SLC35C1: variants seen among roughly 807,000 people sequenced by gnomAD.
SLC35C1 encodes the protein solute carrier family 35 member C1.
Under a neutral mutation model 23.2 loss-of-function variants are expected in SLC35C1, and 8 were observed. The observed-to-expected ratio is 0.35, with a 90% confidence interval of 0.20 to 0.62. SLC35C1 has a LOEUF of 0.62. SLC35C1 is among the 20% of genes least tolerant of loss of function. The pLI, the probability that SLC35C1 is intolerant of heterozygous loss-of-function variation, is 0.75. For synonymous variants in SLC35C1, 226 were observed against 225.1 expected (o/e 1.00, Z -0.04); for missense variants, 422 against 478.6 (o/e 0.88, Z 1.10).
At chr11:45,807,850 C>T (rs1252569642) in intron 1 of SLC35C1, among the ~76,000 whole-genome samples, 1 of 152,186 alleles carries the variant, frequency 6.6e-6, no homozygotes, top group Non-Finnish European at 1.5e-5. Flanking sequence ...CCTCCCTGTC[C>T]TCCTCAGATG....
Position 45,812,875 on chromosome 11 carries a change from A to C in SLC35C1, c.*1540A>C. 2.9e-6 allele frequency: 1 copy of C among 341,498 alleles called. No individual in the cohort carries two copies. The highest frequency in any genetic ancestry group is 5.8e-6 in the Non-Finnish European group (1 of 171,934). The allele number at this position is 341,498 out of a possible 1,614,324, so 21.2% of individuals were successfully genotyped here. On this transcript the variant is annotated 3_prime_UTR_variant, in exon 2 of 2. Transcript: ENST00000314134. ...TCTTGGGGTGATTTCTGATGTTTTTACTCTATATAGTGAAAAGCTAGGGAG... is the reference window on the plus strand; with the variant it reads ...TCTTGGGGTGATTTCTGATGTTTTTCCTCTATATAGTGAAAAGCTAGGGAG...
rs1472517586 is a variant in SLC35C1, at chr11:45,806,141, GC to G, written c.343del (p.Arg115AlafsTer13). ...CAGCTTGCGCCTGGACCTCAGGGTG[GC>G]CCGCAGCGTCCTGCCCCTGTCGGTG... The part of the protein sequence containing the change: ...FPSLRLDLRV[A>X]RSVLPLSVVF... On this transcript the variant is annotated frameshift_variant, in exon 1 of 2. Transcript: ENST00000314134. LOFTEE classifies it high-confidence loss of function. The G allele has an allele frequency of 6.2e-7, 1 of 1,607,182 alleles. No individual in the cohort carries two copies. Among genetic ancestry groups the G allele is most frequent in the Non-Finnish European group, 8.5e-7 (1 of 1,179,952 alleles).
At chr11:45,804,801 A>C (rs981144321), upstream of SLC35C1, 3 of 985,560 alleles carry the variant, frequency 3.0e-6, no homozygotes, top group Admixed American at 6.1e-5. Context: ...AGGCTGATGT[A>C]GCGCCGCCCG....
At position 45,805,995 on chromosome 11, in the gene SLC35C1, G is replaced by C; in HGVS notation, c.194G>C (p.Ser65Thr). ...TTCCTTAATAAGTACCTGCTGGACA[G>C]CCCCTCCCTGCGGCTGGACACCCCC... ...MVFLNKYLLD[S>T]PSLRLDTPIF... Residue 65 changes from serine (S) to threonine (T), a missense_variant, in exon 1 of 2, where the codon AGC becomes ACC. Coordinates refer to ENST00000314134, the MANE Select transcript of SLC35C1 (RefSeq NM_018389.5). 1 of 1,614,078 alleles carries C rather than the reference G, an allele frequency of 6.2e-7. No individual in the cohort carries two copies. Among genetic ancestry groups the C allele is most frequent in the South Asian group, 1.1e-5 (1 of 91,086 alleles).
rs1265362913 is a variant in SLC35C1 at position 45,811,082 on chromosome 11, G to A, written c.842G>A (p.Gly281Asp). Residue 281 changes from glycine (G) to aspartate (D), a missense_variant, in exon 2 of 2, where the codon GGC (glycine) becomes GAC (aspartate). By Grantham distance (94) the Gly-to-Asp change is moderately conservative. Transcript: ENST00000314134. The stretch of plus-strand genomic sequence containing the variant: ...GGCGGCCTGTTTGGCTTTGCCATCG[G>A]CTACGTGACAGGACTGCAGATCAAG... ...TLGGLFGFAI[G>D]YVTGLQIKFT... The A allele has an allele frequency of 6.2e-7, 1 of 1,613,184 alleles. No homozygotes were observed. Among genetic ancestry groups the A allele is most frequent in the Non-Finnish European group, 8.5e-7 (1 of 1,180,036 alleles).
chr11:45,811,173 C>G lies in SLC35C1; in HGVS notation c.933C>G (p.Ala311=), dbSNP rs1025394775. Residue 311 remains alanine, a synonymous_variant, in exon 2 of 2, where the codon GCC becomes GCG. Coordinates refer to ENST00000314134, the MANE Select transcript of SLC35C1 (RefSeq NM_018389.5). ...TAKACAQTVL[A]VLYYEETKSF... is the part of the protein sequence containing the mutation. ...AGGCCTGTGCCCAGACAGTGCTGGCCGTGCTCTACTACGAGGAGACCAAGA... is the reference window on the plus strand; with the variant it reads ...AGGCCTGTGCCCAGACAGTGCTGGCGGTGCTCTACTACGAGGAGACCAAGA... 1.2e-6 allele frequency: 2 copies of G among 1,612,032 alleles called. No individual in the cohort carries two copies. The highest frequency in any genetic ancestry group is 3.3e-4 in the Middle Eastern group (2 of 6,062).
chr11:45,806,336 G>T lies in SLC35C1; in HGVS notation c.535G>T (p.Gly179Trp). The change falls in exon 1 of 2, where the codon GGG (glycine) becomes TGG (tryptophan). Residue 179 changes from glycine to tryptophan, a missense_variant and splice_region_variant. Transcript: ENST00000314134. ...CCTGCTCACCTGCGGTATCATCATC[G>T]GTGAGTGGCAGCTGGGGCCACGGGG... ...YALLTCGIII[G>W]GFWLGVDQEG... 1 of 1,612,348 alleles carries T rather than the reference G, an allele frequency of 6.2e-7. No individual in the cohort carries two copies. Among genetic ancestry groups the T allele is most frequent in the Non-Finnish European group, 8.5e-7 (1 of 1,179,964 alleles).
At position 45,812,752 on chromosome 11, in the gene SLC35C1, A is replaced by G. The variant is rs2085964615; in HGVS notation, c.*1417A>G. On this transcript the variant is annotated 3_prime_UTR_variant, in exon 2 of 2. Transcript: ENST00000314134. ...TTTGCAGGGGGAGTGGGGGACACAC[A>G]CAAATTTCGGGGCCATACCACCCTT... 1 of 438,320 alleles carries G rather than the reference A, an allele frequency of 2.3e-6. No homozygotes were observed. Among genetic ancestry groups the G allele is most frequent in the East Asian group, 7.1e-5 (1 of 14,154 alleles). The allele number at this position is 438,320 out of a possible 1,614,324, so 27.2% of individuals were successfully genotyped here. A position where few individuals can be genotyped will look rare whatever the true frequency, so the allele number is the denominator to read the frequency against.
chr11:45,807,217 C>T (rs2085886996), intron 1 of SLC35C1, among the ~76,000 whole-genome samples: 1 of 152,218 alleles, frequency 6.6e-6, no homozygotes, highest in South Asian at 2.1e-4. Context: ...TGCTTCTATC[C>T]CCTCTGCTCG....
rs866682376 is a variant in SLC35C1, at chr11:45,812,032, G to C, written c.*697G>C. The C allele has an allele frequency of 6.2e-6, 1 of 161,474 alleles. No homozygotes were observed. Among genetic ancestry groups the C allele is most frequent in the African/African-American group, 2.4e-5 (1 of 41,646 alleles). The allele number at this position is 161,474 out of a possible 1,614,324, so 10.0% of individuals were successfully genotyped here. On this transcript the variant is annotated 3_prime_UTR_variant, in exon 2 of 2. Coordinates refer to ENST00000314134, the MANE Select transcript of SLC35C1 (RefSeq NM_018389.5). ...CCATGCTTCTCTTAGAGGTTAAGCA[G>C]GGTCATTAACATCCTCCCCCAGTCC...
At chr11:45,808,235 C>T (rs969081699) in intron 1 of SLC35C1, among the ~76,000 whole-genome samples, 3 of 152,212 alleles carry the variant, frequency 2.0e-5, no homozygotes, top group Non-Finnish European at 4.4e-5. Context: ...CACAGTGGCT[C>T]ATGCCTGTAA....
In SLC35C1 at chr11:45,805,677, T is replaced by C; in HGVS notation, c.-125T>C. On this transcript the variant is annotated 5_prime_UTR_variant, in exon 1 of 2. Coordinates refer to ENST00000314134, the MANE Select transcript of SLC35C1 (RefSeq NM_018389.5). Reference sequence around the variant, plus strand: ...TCCATGAGGACAATGGGGAGGCCTTTAGGCCAGCCCACATGTGACAATGGA... The same window carrying C: ...TCCATGAGGACAATGGGGAGGCCTTCAGGCCAGCCCACATGTGACAATGGA... 3 of 1,569,106 alleles carry C rather than the reference T, an allele frequency of 1.9e-6. No homozygotes were observed. Among genetic ancestry groups the C allele is most frequent in the Non-Finnish European group, 2.6e-6 (3 of 1,164,492 alleles).
chr11:45,810,666 G>C, intron 1 of SLC35C1, 110 bp from the exon 2 acceptor site: 1 of 1,470,034 alleles, frequency 6.8e-7, no homozygotes, highest in Non-Finnish European at 9.0e-7. Context: ...GGAACGGGGA[G>C]GGCCGCAATA....
At position 45,806,096 on chromosome 11, in the gene SLC35C1, C is replaced by CCT; in HGVS notation, c.296_297dup (p.Gly100LeufsTer29). ...CCTCAGCGCTCTGGCCGCCTGCTGC[C>CCT]CTGGTGCCGTGGACTTCCCCAGCTT... On this transcript the variant is annotated frameshift_variant, in exon 1 of 2. Coordinates refer to ENST00000314134, the MANE Select transcript of SLC35C1 (RefSeq NM_018389.5). LOFTEE classifies it high-confidence loss of function. 1 of 1,611,154 alleles carries CCT rather than the reference C, an allele frequency of 6.2e-7. No homozygotes were observed. Among genetic ancestry groups the CCT allele is most frequent in the Non-Finnish European group, 8.5e-7 (1 of 1,180,004 alleles).
chr11:45,810,121 C>G (rs932397402), intron 1 of SLC35C1: 8 of 985,268 alleles, frequency 8.1e-6, no homozygotes, highest in Non-Finnish European at 9.6e-6. Context: ...CCTGCACCCC[C>G]GCCTGCCACG....
Position 45,810,978 on chromosome 11 carries a change from C to T in SLC35C1, c.738C>T (p.Leu246=), listed in dbSNP as rs369955835. The T allele has an allele frequency of 6.2e-6, 10 of 1,612,808 alleles. No individual in the cohort carries two copies. The African/African-American group carries it at 6.7e-5, about 11-fold the overall frequency. Residue 246 remains leucine, a synonymous_variant, in exon 2 of 2, where the codon CTC becomes CTT. Transcript: ENST00000314134. The part of the protein sequence containing the change: ...VNACILFLPL[L]LLLGELQALR... ...CCTGCATCCTCTTCCTGCCCCTGCTCCTGCTGCTCGGGGAGCTTCAGGCCC... is the reference window on the plus strand; with the variant it reads ...CCTGCATCCTCTTCCTGCCCCTGCTTCTGCTGCTCGGGGAGCTTCAGGCCC...
chr11:45,812,355 T>G lies in SLC35C1; in HGVS notation c.*1020T>G. 2.8e-6 allele frequency: 1 copy of G among 360,062 alleles called. No individual in the cohort carries two copies. Among genetic ancestry groups the G allele is most frequent in the South Asian group, 2.1e-5 (1 of 48,236 alleles). The allele number at this position is 360,062 out of a possible 1,614,324, so 22.3% of individuals were successfully genotyped here. A position where few individuals can be genotyped will look rare whatever the true frequency, so the allele number is the denominator to read the frequency against. On this transcript the variant is annotated 3_prime_UTR_variant, in exon 2 of 2. Transcript: ENST00000314134. ...TGATGGTAAGACACCAACCTTTACA[T>G]TCTTCCCTGAGGTTGTGGCTGACAG...
At chr11:45,806,780 C>A in intron 1 of SLC35C1, 1 of 463,472 alleles carries the variant, frequency 2.2e-6, no homozygotes, top group Non-Finnish European at 2.8e-6. Context: ...AATCTGGCTT[C>A]ACAGTTCACA....
Position 45,810,256 on chromosome 11 carries a change from C to T in SLC35C1, c.536-520C>T, listed in dbSNP as rs906624035. On this transcript the variant is annotated intron_variant, in intron 1 of 1. Coordinates refer to ENST00000314134, the MANE Select transcript of SLC35C1 (RefSeq NM_018389.5). The stretch of plus-strand genomic sequence containing the variant: ...ACACAAGAGATTCTAACTTAATGTG[C>T]CCCATGATGACATCATAGGCTCCCA... 3.0e-6 allele frequency: 3 copies of T among 985,280 alleles called. No individual in the cohort carries two copies. The African/African-American group carries it at 5.2e-5, about 17-fold the overall frequency. 61.0% of individuals were successfully genotyped at this position (985,280 alleles called of 1,614,324 possible). A position where few individuals can be genotyped will look rare whatever the true frequency, so the allele number is the denominator to read the frequency against.
Sources: allele counts gnomAD v4.1 joint callset (sites outside exome capture counted in the v4.1 genomes callset), GRCh38; gene constraint gnomAD v4.1.1; transcripts MANE v1.5; gene names NCBI Gene and HGNC (gene_info 2026-07-23, HGNC 2026-07-21).